SCHIP1: variants seen among roughly 807,000 people sequenced by gnomAD.
SCHIP1 encodes the protein schwannomin-interacting protein 1.
SCHIP1 carries 8 observed loss-of-function variants against 29.7 expected under a neutral mutation model. The observed-to-expected ratio is 0.27, with a 90% confidence interval of 0.16 to 0.49. The LOEUF (loss-of-function observed/expected upper bound fraction) is 0.49, where lower values mean the gene tolerates loss of function less well. Ranked by LOEUF, SCHIP1 falls within the 20% of genes least tolerant of loss-of-function variation. The pLI is 0.99. For missense variants in SCHIP1, 193 were observed against 294.6 expected (o/e 0.66, Z 2.52); for synonymous variants, 76 against 94.9 (o/e 0.80, Z 1.16).
At chr3:159,754,195 G>A in the SCHIP1 span, among the ~76,000 whole-genome samples, 22 of 152,278 alleles carry the variant, frequency 1.4e-4, no homozygotes, top group Middle Eastern at 6.8e-3. Flanking sequence ...TCATAAAGAC[G>A]TTTAAAACAT....
At chr3:159,510,934 C>T in the SCHIP1 span, among the ~76,000 whole-genome samples, 1 of 152,226 alleles carries the variant, frequency 6.6e-6, no homozygotes, top group Non-Finnish European at 1.5e-5. Flanking sequence ...CTTGAGGAGG[C>T]AGTCTGTCCG....
the SCHIP1 span, among the ~76,000 whole-genome samples, chr3:159,337,549 A>G: frequency 1.3e-5 from 2 of 152,186 alleles, no homozygotes; most frequent in East Asian, 1.9e-4. Flanking sequence ...TTATACACCA[A>G]TAACACACAA....
the SCHIP1 span, among the ~76,000 whole-genome samples, chr3:159,581,795 A>G: frequency 6.6e-6 from 1 of 152,248 alleles, no homozygotes; most frequent in African/African-American, 2.4e-5. Flanking sequence ...GCAGAAGGGT[A>G]AACATATAGA....
At chr3:159,415,245 G>A in the SCHIP1 span, among the ~76,000 whole-genome samples, 1 of 152,128 alleles carries the variant, frequency 6.6e-6, no homozygotes, top group Non-Finnish European at 1.5e-5. Flanking sequence ...CTCCAACTGA[G>A]TGTCTGTATT....
At chr3:159,617,355 G>A in the SCHIP1 span, among the ~76,000 whole-genome samples, 1 of 152,144 alleles carries the variant, frequency 6.6e-6, no homozygotes, top group African/African-American at 2.4e-5. Flanking sequence ...CTTTCTGCAA[G>A]CAACCAGAAG....
chr3:159,650,454 G>T, the SCHIP1 span, among the ~76,000 whole-genome samples: 7 of 152,278 alleles, frequency 4.6e-5, no homozygotes, highest in East Asian at 7.7e-4. Context: ...AGTGAGAAAA[G>T]ATGTAGAGTG....
chr3:159,648,146 G>A, the SCHIP1 span, among the ~76,000 whole-genome samples: 2 of 152,146 alleles, frequency 1.3e-5, no homozygotes, highest in East Asian at 1.9e-4. Context: ...TCTATCCCAG[G>A]CACACTCCTC....
At chr3:159,453,137 C>G in the SCHIP1 span, among the ~76,000 whole-genome samples, 1 of 152,180 alleles carries the variant, frequency 6.6e-6, no homozygotes, top group South Asian at 2.1e-4. Context: ...GTTTCCCAAC[C>G]AATTGTAGCT....
chr3:159,584,620 C>T, the SCHIP1 span, among the ~76,000 whole-genome samples: 2 of 152,062 alleles, frequency 1.3e-5, no homozygotes, highest in Non-Finnish European at 2.9e-5. Context: ...CCAGCAATAC[C>T]ATCAAAACAT....
the SCHIP1 span, among the ~76,000 whole-genome samples, chr3:159,311,614 C>A: frequency 1.7e-3 from 261 of 152,188 alleles, no homozygotes; most frequent in Admixed American, 2.7e-3. Context: ...TGTTCTAAAT[C>A]ATTGAAAGAA....
the SCHIP1 span, among the ~76,000 whole-genome samples, chr3:159,411,908 C>T: frequency 2.0e-5 from 3 of 151,948 alleles, no homozygotes; most frequent in Non-Finnish European, 2.9e-5. Context: ...GTAAGGTCAC[C>T]AAGAAAAGCC....
chr3:159,482,352 A>T, the SCHIP1 span, among the ~76,000 whole-genome samples: 1 of 152,136 alleles, frequency 6.6e-6, no homozygotes, highest in East Asian at 1.9e-4. Flanking sequence ...AAGAGAGGGA[A>T]AATATGTCCT....
At chr3:159,805,895 G>A in the SCHIP1 span, among the ~76,000 whole-genome samples, 2 of 146,930 alleles carry the variant, frequency 1.4e-5, no homozygotes, top group South Asian at 2.2e-4. Flanking sequence ...TGCAACCTCC[G>A]CCTCCCAGGT....
At chr3:159,856,716 T>G (rs1295042093) in intron 1 of SCHIP1, among the ~76,000 whole-genome samples, 1 of 152,204 alleles carries the variant, frequency 6.6e-6, no homozygotes, top group East Asian at 1.9e-4. Context: ...TCTCTAGTGT[T>G]GTGCATCCAA....
the SCHIP1 span, among the ~76,000 whole-genome samples, chr3:159,293,668 T>C: frequency 1.3e-5 from 2 of 152,192 alleles, no homozygotes; most frequent in African/African-American, 4.8e-5. Flanking sequence ...ATAGGAGACA[T>C]AAGTCTTTCC....
intron 1 of SCHIP1, among the ~76,000 whole-genome samples, chr3:159,842,351 T>G (rs1016815635): frequency 3.3e-5 from 5 of 152,168 alleles, no homozygotes; most frequent in Admixed American, 3.3e-4. Flanking sequence ...TTTGTGCTTT[T>G]GTATAGATGT....
rs921060606 is a variant in SCHIP1, at chr3:159,861,040, G to C, written c.31-5123G>C. 3.9e-5 allele frequency among the ~76,000 whole-genome samples: 6 copies of C among 152,154 alleles called. No individual in the cohort carries two copies. Among genetic ancestry groups the C allele is most frequent in the African/African-American group, 1.4e-4 (6 of 41,426 alleles). On this transcript the variant is annotated intron_variant, in intron 1 of 6. Coordinates refer to ENST00000445224, the Ensembl canonical transcript of SCHIP1. The surrounding 1 kb of genome is among the most constrained non-coding windows in gnomAD (Gnocchi z 4.1). The stretch of plus-strand genomic sequence containing the variant: ...GTTATTTCCTGAAGTGTGTTCCTGA[G>C]AACCCTAGAGGCCCCCCAGATTTTC...
chr3:159,618,164 A>G, the SCHIP1 span, among the ~76,000 whole-genome samples: 1 of 152,230 alleles, frequency 6.6e-6, no homozygotes, highest in Non-Finnish European at 1.5e-5. Flanking sequence ...TGAGGCTCAG[A>G]GTGGTTAAGT....
At chr3:159,866,133 T>C (rs747680168) in intron 1 of SCHIP1, 30 bp from the exon 3 acceptor site, 55 of 1,606,810 alleles carry the variant, frequency 3.4e-5, no homozygotes, top group Non-Finnish European at 4.2e-5. Flanking sequence ...TGCCCACTTA[T>C]CAGCATTTTT....
Sources: gnomAD v4.1 joint callset for allele counts (sites outside exome capture counted in the v4.1 genomes callset) on GRCh38, gnomAD v4.1.1 for gene constraint, Gnocchi (gnomAD v3.1) non-coding constraint, MANE v1.5 for transcripts, NCBI Gene and HGNC (gene_info 2026-07-23, HGNC 2026-07-21) for gene names.